CPA6: variants seen among roughly 807,000 people sequenced by gnomAD.
CPA6 encodes carboxypeptidase B.
CPA6 carries 58 observed loss-of-function variants against 63.3 expected under a neutral mutation model. The observed-to-expected ratio is 0.92, with a 90% CI of 0.74 to 1.14. The LOEUF (loss-of-function observed/expected upper bound fraction) is 1.14. Among genes scored for constraint, CPA6 ranks in the 50% most tolerant of loss-of-function variants. The probability of loss-of-function intolerance (pLI) is 0.00; values close to 1 mark genes in which losing one functional copy is unlikely to be tolerated. For synonymous variants in CPA6, 185 were observed against 179.0 expected (o/e 1.03, Z -0.27); for missense variants, 565 against 526.6 (o/e 1.07, Z -0.71).
intron 1 of CPA6, among the ~76,000 whole-genome samples, chr8:67,725,270 T>A (rs1175732118): frequency 6.6e-6 from 1 of 152,200 alleles, no homozygotes; most frequent in Non-Finnish European, 1.5e-5. Context: ...AAACAGGTGC[T>A]TTTTTTCTGC....
chr8:67,607,251 T>TCTTCTTCTTCTCCTCCTCCTC (rs1554679725), intron 2 of CPA6, among the ~76,000 whole-genome samples: 4 of 81,092 alleles, frequency 4.9e-5, no homozygotes, highest in Non-Finnish European at 7.0e-5. Context: ...TTCTTCTTCT[T>TCTTCTTCTTCTCCTCCTCCTC]CTCCTCCTCC....
intron 2 of CPA6, among the ~76,000 whole-genome samples, chr8:67,560,281 G>A (rs1018287386): frequency 6.6e-6 from 1 of 151,774 alleles, no homozygotes; most frequent in East Asian, 1.9e-4. Context: ...CAAAGGGCTC[G>A]CTAGACATTA....
At chr8:67,510,098 A>G (rs1461422741) in intron 4 of CPA6, among the ~76,000 whole-genome samples, 1 of 152,152 alleles carries the variant, frequency 6.6e-6, no homozygotes, top group Non-Finnish European at 1.5e-5. Flanking sequence ...ATCTTTTTCC[A>G]TTTAAAGGTT....
rs1399960809 is a variant in CPA6, at chr8:67,442,683, TG to T, written c.839-8444del. Among the ~76,000 whole-genome samples, 4 of 152,134 alleles carry T rather than the reference TG, an allele frequency of 2.6e-5. No homozygotes were observed. The East Asian group carries it at 7.7e-4, about 29-fold the overall frequency. Reference sequence around the variant, plus strand: ...ATCTTATTTATGACGCAAAGGAGCTTGTAGTGTTCTCTAGGCAGTGAAGAAC... The same window carrying T: ...ATCTTATTTATGACGCAAAGGAGCTTTAGTGTTCTCTAGGCAGTGAAGAAC... On this transcript the variant is annotated intron_variant, in intron 8 of 10. Coordinates refer to ENST00000297770, the MANE Select transcript of CPA6 (RefSeq NM_020361.5).
intron 8 of CPA6, among the ~76,000 whole-genome samples, chr8:67,440,417 A>C (rs1442165988): frequency 6.6e-6 from 1 of 152,046 alleles, no homozygotes; most frequent in African/African-American, 2.4e-5. Context: ...CTAAAAATAC[A>C]AAAATTGGCA....
At chr8:67,697,893 G>A (rs1816940923) in intron 1 of CPA6, among the ~76,000 whole-genome samples, 2 of 152,170 alleles carry the variant, frequency 1.3e-5, no homozygotes, top group South Asian at 4.1e-4. Flanking sequence ...ATGTCTGTGT[G>A]TGTAACTTTT....
chr8:67,506,746 T>G (rs1339151077), intron 6 of CPA6, 41 bp downstream of exon 6: 1 of 1,311,828 alleles, frequency 7.6e-7, no homozygotes, highest in East Asian at 2.3e-5. Flanking sequence ...AGGGAAGCAC[T>G]GACTAGCTGA....
At chr8:67,663,364 TTTTTA>T (rs1816159486) in intron 1 of CPA6, among the ~76,000 whole-genome samples, 1 of 152,096 alleles carries the variant, frequency 6.6e-6, no homozygotes, top group African/African-American at 2.4e-5. Context: ...CACAAACTTT[TTTTTA>T]TTTTAATTTT....
intron 2 of CPA6, among the ~76,000 whole-genome samples, chr8:67,609,264 T>A (rs1204045781): frequency 6.6e-6 from 1 of 152,208 alleles, no homozygotes; most frequent in Non-Finnish European, 1.5e-5. Flanking sequence ...TCTCTTAATA[T>A]CCATTGATGC....
intron 1 of CPA6, among the ~76,000 whole-genome samples, chr8:67,739,114 T>C (rs1478116092): frequency 6.6e-6 from 1 of 152,132 alleles, no homozygotes; most frequent in South Asian, 2.1e-4. Context: ...TCAAGGAGAG[T>C]GGAGCCCAGA....
At chr8:67,552,534 G>A (rs567375757) in intron 2 of CPA6, among the ~76,000 whole-genome samples, 2 of 152,192 alleles carry the variant, frequency 1.3e-5, no homozygotes, top group African/African-American at 4.8e-5. Context: ...AGCACTTTGG[G>A]AGGCCAAGGC....
intron 10 of CPA6, among the ~76,000 whole-genome samples, chr8:67,423,813 C>G (rs1320544624): frequency 1.3e-5 from 2 of 152,194 alleles, no homozygotes; most frequent in African/African-American, 4.8e-5. Context: ...TACTCTAGAT[C>G]AGGGGTCCCC....
chr8:67,465,127 T>C (rs1002962062), intron 8 of CPA6, among the ~76,000 whole-genome samples: 1 of 152,194 alleles, frequency 6.6e-6, no homozygotes, highest in African/African-American at 2.4e-5. Context: ...ATTATTAATT[T>C]TTCTAATCCA....
chr8:67,634,851 A>G (rs910071946), intron 1 of CPA6, among the ~76,000 whole-genome samples: 1 of 151,396 alleles, frequency 6.6e-6, no homozygotes, highest in African/African-American at 2.5e-5. Flanking sequence ...GTCTCTCAAT[A>G]CTTAGTAGCT....
At chr8:67,709,149 C>T in intron 1 of CPA6, among the ~76,000 whole-genome samples, 1 of 152,136 alleles carries the variant, frequency 6.6e-6, no homozygotes, top group East Asian at 1.9e-4. Flanking sequence ...TGAGCACAAC[C>T]TCAGTAAGCA....
rs146641246 is a variant in CPA6 at position 67,587,569 on chromosome 8, A to G, written c.192+36607T>C. On this transcript the variant is annotated intron_variant, in intron 2 of 10. Coordinates refer to ENST00000297770, the MANE Select transcript of CPA6 (RefSeq NM_020361.5). ...GTACTTTCTCAGGTAATGTCACGTC[A>G]TCATTGGTATATGGTTAGTGTGTTG... Among the ~76,000 whole-genome samples the G allele has an allele frequency of 7.9e-3, 1,202 of 152,196 alleles. 18 individuals are homozygous for G. The highest frequency in any genetic ancestry group is 0.046 in the South Asian group (221 of 4,814).
At chr8:67,446,123 G>A (rs1810406898) in intron 8 of CPA6, among the ~76,000 whole-genome samples, 1 of 151,894 alleles carries the variant, frequency 6.6e-6, no homozygotes, top group Non-Finnish European at 1.5e-5. Context: ...AAAATTAGCC[G>A]GGCGTGGTGG....
intron 1 of CPA6, among the ~76,000 whole-genome samples, chr8:67,677,953 A>G (rs572915912): frequency 6.6e-6 from 1 of 152,098 alleles, no homozygotes. Context: ...AAAGCTAACC[A>G]TAAAAAACCC....
chr8:67,474,108 T>A (rs1033641220), intron 8 of CPA6, among the ~76,000 whole-genome samples: 1 of 152,098 alleles, frequency 6.6e-6, no homozygotes, highest in Non-Finnish European at 1.5e-5. Flanking sequence ...AAAAGCAACT[T>A]CCATCTTTCT....
Sources: allele counts gnomAD v4.1 joint callset (sites outside exome capture counted in the v4.1 genomes callset), GRCh38; gene constraint gnomAD v4.1.1; transcripts MANE v1.5; gene names NCBI Gene and HGNC (gene_info 2026-07-23, HGNC 2026-07-21).